LY96: variants seen among roughly 807,000 people sequenced by gnomAD.
LY96 encodes the protein myeloid differentiation protein-2.
In LY96, 18 loss-of-function variants were observed where a neutral mutation model predicts 18.9. The ratio of observed to expected loss-of-function variants is 0.95; its 90% confidence interval spans 0.66 to 1.41. The LOEUF (loss-of-function observed/expected upper bound fraction) is 1.41. Among genes scored for constraint, LY96 ranks in the 40% most tolerant of loss-of-function variants. The pLI, the probability that LY96 is intolerant of heterozygous loss-of-function variation, is 0.00. For missense variants in LY96, 175 were observed against 182.4 expected, an observed-to-expected ratio of 0.96 and a Z score of 0.23; for synonymous variants, 66 against 62.6, an observed-to-expected ratio of 1.06 and a Z score of -0.26.
chr8:74,006,850 C>T (rs992089440), intron 2 of LY96, among the ~76,000 whole-genome samples: 8 of 152,168 alleles, frequency 5.3e-5, no homozygotes, highest in Admixed American at 5.2e-4. Context: ...TCTTTCCAGG[C>T]CAAGATAATA....
At chr8:74,092,023 T>G in the LY96 span, among the ~76,000 whole-genome samples, 3 of 152,166 alleles carry the variant, frequency 2.0e-5, no homozygotes, top group African/African-American at 7.2e-5. Context: ...TTTGACTCAT[T>G]TAAAGCCTGA....
intron 3 of LY96, among the ~76,000 whole-genome samples, chr8:74,021,635 A>C (rs1586659571): frequency 1.3e-5 from 2 of 152,222 alleles, no homozygotes; most frequent in African/African-American, 4.8e-5. Flanking sequence ...TGTTTATTGC[A>C]GCACTATTCA....
chr8:74,044,043 C>G, the LY96 span, among the ~76,000 whole-genome samples: 2 of 151,970 alleles, frequency 1.3e-5, no homozygotes, highest in Non-Finnish European at 2.9e-5. Context: ...GTTGGGATTA[C>G]AAGCATAAGC....
chr8:74,081,002 CTTTCTTTCTTTCTT>C, the LY96 span, among the ~76,000 whole-genome samples: 2 of 122,210 alleles, frequency 1.6e-5, no homozygotes, highest in African/African-American at 8.6e-5. Flanking sequence ...TTCTTTCTTT[CTTTCTTTCTTTCTT>C]TCTTTCTTTC....
At chr8:74,074,045 T>C in the LY96 span, among the ~76,000 whole-genome samples, 2 of 152,206 alleles carry the variant, frequency 1.3e-5, no homozygotes, top group African/African-American at 4.8e-5. Flanking sequence ...TTGCCCAGGC[T>C]GCAGTGCAGT....
the LY96 span, among the ~76,000 whole-genome samples, chr8:74,058,326 A>G: frequency 6.6e-6 from 1 of 152,328 alleles, no homozygotes; most frequent in East Asian, 1.9e-4. Context: ...CTTCTGGATT[A>G]TAACTTTAAT....
the LY96 span, among the ~76,000 whole-genome samples, chr8:74,054,055 T>A: frequency 6.6e-6 from 1 of 152,250 alleles, no homozygotes; most frequent in Non-Finnish European, 1.5e-5. Flanking sequence ...TTAGACAGGG[T>A]CTTGTTCTGT....
At chr8:74,078,487 C>T in the LY96 span, among the ~76,000 whole-genome samples, 1 of 152,194 alleles carries the variant, frequency 6.6e-6, no homozygotes, top group Non-Finnish European at 1.5e-5. Context: ...TTCTAGGATT[C>T]ACAGTATGCA....
At chr8:74,026,700 C>G in intron 3 of LY96, 89 bp from the exon 4 acceptor site, 2 of 733,814 alleles carry the variant, frequency 2.7e-6, no homozygotes, top group Non-Finnish European at 5.0e-6. Flanking sequence ...CTGCGTCTGT[C>G]AGTAGTTAAG....
intron 3 of LY96, among the ~76,000 whole-genome samples, chr8:74,013,103 C>A (rs924905886): frequency 6.6e-6 from 1 of 151,818 alleles, no homozygotes; most frequent in Non-Finnish European, 1.5e-5. Flanking sequence ...ACTACAGGCA[C>A]AGATCACCAT....
intron 1 of LY96, among the ~76,000 whole-genome samples, chr8:74,002,852 G>T (rs1816327103): frequency 6.6e-6 from 1 of 152,122 alleles, no homozygotes; most frequent in Non-Finnish European, 1.5e-5. Context: ...GGGATTACAG[G>T]CATGAGTCAC....
downstream of LY96, chr8:74,029,185 C>A: frequency 1.6e-6 from 1 of 625,692 alleles, no homozygotes; most frequent in Non-Finnish European, 2.8e-6. Flanking sequence ...GAAGCTTATC[C>A]TCACAGATCT....
At chr8:74,029,821 G>A (rs1816939916), downstream of LY96, among the ~76,000 whole-genome samples, 1 of 152,084 alleles carries the variant, frequency 6.6e-6, no homozygotes, top group South Asian at 2.1e-4. Flanking sequence ...CATCACACCT[G>A]GCTAATTTTT....
At chr8:74,076,985 G>A in the LY96 span, among the ~76,000 whole-genome samples, 1 of 152,168 alleles carries the variant, frequency 6.6e-6, no homozygotes, top group Non-Finnish European at 1.5e-5. Context: ...GGGTTCCCAT[G>A]ATGAGTTTGA....
At chr8:74,064,381 G>A in the LY96 span, among the ~76,000 whole-genome samples, 523 of 152,318 alleles carry the variant, frequency 3.4e-3, 3 homozygotes, top group African/African-American at 0.011. Flanking sequence ...CTAGTCATGG[G>A]AGGCGGATTC....
chr8:74,072,167 T>C, the LY96 span, among the ~76,000 whole-genome samples: 4 of 152,208 alleles, frequency 2.6e-5, no homozygotes, highest in Admixed American at 6.5e-5. Context: ...TTAATAGATA[T>C]AGAAATGCAT....
intron 1 of LY96, 45 bp downstream of exon 1, chr8:73,991,599 G>A: frequency 1.7e-6 from 2 of 1,154,140 alleles, no homozygotes; most frequent in South Asian, 2.4e-5. Flanking sequence ...CAACTATTTT[G>A]AGGGTAAGTT....
intron 1 of LY96, among the ~76,000 whole-genome samples, chr8:73,999,632 G>A (rs1042229970): frequency 6.6e-6 from 1 of 152,060 alleles, no homozygotes; most frequent in Non-Finnish European, 1.5e-5. Context: ...CAATTTTGCA[G>A]AATTCATTTA....
chr8:74,081,077 T>TTTC, the LY96 span, among the ~76,000 whole-genome samples: 42 of 104,092 alleles, frequency 4.0e-4, no homozygotes, highest in African/African-American at 8.9e-4. Flanking sequence ...ACTTTCTTTC[T>TTTC]TCTCTTTCTC....
Sources: gnomAD v4.1 joint callset for allele counts (sites outside exome capture counted in the v4.1 genomes callset) on GRCh38, gnomAD v4.1.1 for gene constraint, MANE v1.5 for transcripts, NCBI Gene and HGNC (gene_info 2026-07-23, HGNC 2026-07-21) for gene names.